The following DHX35 variants were observed in gnomAD, a reference collection of about 807,000 sequenced individuals.
The protein encoded by DHX35 is DEAH-box helicase 35, also known as probable ATP-dependent RNA helicase DHX35.
In DHX35, 84 loss-of-function variants were observed where a neutral mutation model predicts 99.6. The observed-to-expected ratio is 0.84, with a 90% CI of 0.71 to 1.01. DHX35 has a LOEUF of 1.01. Among genes scored for constraint, DHX35 ranks in the 50% least tolerant of loss-of-function variants. The probability of loss-of-function intolerance (pLI) is 0.00; values close to 1 mark genes in which losing one functional copy is unlikely to be tolerated. For synonymous variants in DHX35, 331 were observed against 316.2 expected, an observed-to-expected ratio of 1.05 and a Z score of -0.50; for missense variants, 852 against 888.5, an observed-to-expected ratio of 0.96 and a Z score of 0.52.
chr20:38,968,516 A>G (rs952579846), intron 1 of DHX35, among the ~76,000 whole-genome samples: 36 of 152,228 alleles, frequency 2.4e-4, no homozygotes, highest in African/African-American at 7.7e-4. Flanking sequence ...TGAGTGGCCA[A>G]TTTGGAGCCC....
chr20:38,989,269 T>G (rs1413986999), intron 5 of DHX35, among the ~76,000 whole-genome samples: 1 of 105,576 alleles, frequency 9.5e-6, no homozygotes, highest in Non-Finnish European at 2.0e-5. Context: ...GGCTAAGTTT[T>G]TTTTTTTTTT....
chr20:38,988,682 C>T, intron 4 of DHX35, 131 bp from the exon 5 acceptor site: 3 of 1,277,652 alleles, frequency 2.3e-6, no homozygotes, highest in South Asian at 1.5e-5. Flanking sequence ...TCTCTAATAA[C>T]TTGTCTCTTT....
At position 38,994,815 on chromosome 20, in the gene DHX35, T is replaced by A. The variant is rs541649775; in HGVS notation, c.583-6T>A. ...TATCATTATTTCCAAATGTCTTCTT[T>A]TTTAGATTCAGAAAAAGCGAGGGGA... On this transcript the variant is annotated splice_region_variant and splice_polypyrimidine_tract_variant and intron_variant, in intron 7 of 21. Coordinates refer to ENST00000252011, the MANE Select transcript of DHX35 (RefSeq NM_021931.4). 6.2e-7 allele frequency: 1 copy of A among 1,612,808 alleles called. No homozygotes were observed. The highest frequency in any genetic ancestry group is 1.1e-5 in the South Asian group (1 of 91,048).
intron 11 of DHX35, among the ~76,000 whole-genome samples, chr20:39,004,476 A>G (rs767491838): frequency 3.3e-5 from 5 of 152,166 alleles, no homozygotes; most frequent in Admixed American, 2.6e-4. Flanking sequence ...CCCACGACAC[A>G]TGCTTACTTT....
intron 3 of DHX35, among the ~76,000 whole-genome samples, chr20:38,973,922 A>C (rs1601366613): frequency 6.6e-6 from 1 of 152,198 alleles, no homozygotes; most frequent in African/African-American, 2.4e-5. Context: ...CTCTATGAGT[A>C]TTCTGTGGTT....
intron 4 of DHX35, among the ~76,000 whole-genome samples, chr20:38,984,320 T>A (rs967141540): frequency 2.0e-5 from 3 of 152,234 alleles, no homozygotes; most frequent in African/African-American, 7.2e-5. Context: ...AACAATATAT[T>A]TTTAAAACCC....
At chr20:38,981,135 A>C (rs2086165117) in intron 3 of DHX35, among the ~76,000 whole-genome samples, 1 of 152,210 alleles carries the variant, frequency 6.6e-6, no homozygotes, top group Non-Finnish European at 1.5e-5. Context: ...TCACTTGGTT[A>C]AGGTTCCAGC....
chr20:39,009,622 T>C (rs557310137), intron 12 of DHX35, among the ~76,000 whole-genome samples: 2 of 152,144 alleles, frequency 1.3e-5, no homozygotes, highest in South Asian at 2.1e-4. Context: ...CCTTCCTGCC[T>C]AGCTTTTATA....
At position 38,972,159 on chromosome 20, in the gene DHX35, T is replaced by C. The variant is rs1022570172; in HGVS notation, c.175-400T>C. Among the ~76,000 whole-genome samples, 3 of 151,954 alleles carry C rather than the reference T, an allele frequency of 2.0e-5. No homozygotes were observed. In the East Asian group the frequency reaches 5.8e-4, roughly 29 times the overall value. The stretch of plus-strand genomic sequence containing the variant: ...TGAGTAGCTAGTATTACAGGCACTT[T>C]CCACTGCGCCCAGCTAATTTTTGTA... On this transcript the variant is annotated intron_variant, in intron 2 of 21. Coordinates refer to ENST00000252011, the MANE Select transcript of DHX35 (RefSeq NM_021931.4).
intron 21 of DHX35, 97 bp from the exon 22 acceptor site, chr20:39,038,402 T>G: frequency 7.5e-7 from 1 of 1,333,746 alleles, no homozygotes; most frequent in Non-Finnish European, 1.1e-6. Context: ...GTGGACCAGA[T>G]GGAAGATTTG....
At chr20:38,987,493 C>T (rs867699353) in intron 4 of DHX35, among the ~76,000 whole-genome samples, 65 of 152,344 alleles carry the variant, frequency 4.3e-4, no homozygotes, top group African/African-American at 1.5e-3. Context: ...ATTTGCCTCC[C>T]AAAGTGCTGG....
At chr20:39,009,945 A>AT (rs1375338183) in intron 12 of DHX35, among the ~76,000 whole-genome samples, 1 of 152,154 alleles carries the variant, frequency 6.6e-6, no homozygotes, top group African/African-American at 2.4e-5. Context: ...TCCTTGACTT[A>AT]TTCCAAACAG....
chr20:38,977,892 T>G (rs1037930720), intron 3 of DHX35: 13 of 576,488 alleles, frequency 2.3e-5, no homozygotes, highest in Admixed American at 1.0e-4. Flanking sequence ...CTTTCTTTAC[T>G]GGGGCTTTTT....
intron 1 of DHX35, among the ~76,000 whole-genome samples, chr20:38,965,454 G>A (rs2085896621): frequency 6.6e-6 from 1 of 152,218 alleles, no homozygotes; most frequent in Non-Finnish European, 1.5e-5. Context: ...AGTGAGTGAA[G>A]TTGCTTACTG....
intron 18 of DHX35, 146 bp from the exon 19 acceptor site, chr20:39,028,272 G>T: frequency 4.0e-6 from 3 of 749,838 alleles, no homozygotes; most frequent in East Asian, 4.9e-5. Context: ...ATTGGGAAGG[G>T]TAGGGCTGGA....
chr20:38,987,695 A>T (rs1003489145), intron 4 of DHX35, among the ~76,000 whole-genome samples: 1 of 152,044 alleles, frequency 6.6e-6, no homozygotes, highest in Admixed American at 6.5e-5. Flanking sequence ...TCTTTCCTGC[A>T]TTCATTTTTT....
At chr20:38,978,328 T>G (rs1186054873) in intron 3 of DHX35, 1 of 754,218 alleles carries the variant, frequency 1.3e-6, no homozygotes, top group Admixed American at 1.7e-5. Context: ...ATTATCCACC[T>G]TAAAGTGATC....
At chr20:39,022,216 A>G (rs1250750397) in intron 16 of DHX35, among the ~76,000 whole-genome samples, 1 of 152,186 alleles carries the variant, frequency 6.6e-6, no homozygotes, top group African/African-American at 2.4e-5. Flanking sequence ...GCTGGAATGC[A>G]GTGGCGTGAT....
chr20:38,990,803 C>T (rs145629909), intron 5 of DHX35, among the ~76,000 whole-genome samples: 4 of 152,026 alleles, frequency 2.6e-5, no homozygotes, highest in South Asian at 2.1e-4. Flanking sequence ...ACAAGGATAC[C>T]GAGGAACTAC....
Sources: allele counts gnomAD v4.1 joint callset (sites outside exome capture counted in the v4.1 genomes callset), GRCh38; gene constraint gnomAD v4.1.1; transcripts MANE v1.5; gene names NCBI Gene and HGNC (gene_info 2026-07-23, HGNC 2026-07-21).